The following TIMM23B variants were observed in gnomAD, a reference collection of about 807,000 sequenced individuals.
TIMM23B encodes translocase of inner mitochondrial membrane 23 homolog B.
A neutral mutation model predicts 27.3 loss-of-function variants in TIMM23B; 27 were observed. That is an observed-to-expected ratio of 0.99 (90% CI 0.73 to 1.36). The LOEUF (loss-of-function observed/expected upper bound fraction) is 1.36, where lower values mean the gene tolerates loss of function less well. Ranked by LOEUF, TIMM23B falls within the 40% of genes most tolerant of loss-of-function variation. The pLI is 0.00. For missense variants in TIMM23B, 205 were observed against 244.2 expected (o/e 0.84, Z 1.07); for synonymous variants, 73 against 92.4 (o/e 0.79, Z 1.21).
At chr10:49,971,557 A>G (rs1840450585) in intron 6 of TIMM23B, among the ~76,000 whole-genome samples, 3 of 152,224 alleles carry the variant, frequency 2.0e-5, no homozygotes. Context: ...TTATTTTGCA[A>G]CATTCTGAAG....
intron 6 of TIMM23B, among the ~76,000 whole-genome samples, chr10:49,960,683 C>A: frequency 6.6e-6 from 1 of 150,834 alleles, no homozygotes; most frequent in Admixed American, 6.6e-5. Context: ...GTCCAAAGCC[C>A]GTTGTCTTTC....
chr10:49,960,802 C>T (rs1839870806), intron 6 of TIMM23B, among the ~76,000 whole-genome samples: 1 of 152,136 alleles, frequency 6.6e-6, no homozygotes, highest in Non-Finnish European at 1.5e-5. Context: ...ACTGAATTTT[C>T]TGATGTATCT....
chr10:49,956,449 G>T (rs1257963560), intron 5 of TIMM23B, among the ~76,000 whole-genome samples: 1 of 126,062 alleles, frequency 7.9e-6, no homozygotes, highest in South Asian at 2.5e-4. Context: ...GTGTGTGTGT[G>T]TGTGTGTGTG....
intron 6 of TIMM23B, among the ~76,000 whole-genome samples, chr10:49,961,411 A>G (rs1220357339): frequency 5.3e-5 from 8 of 151,950 alleles, no homozygotes; most frequent in Non-Finnish European, 1.2e-4. Flanking sequence ...GAAAAGAAAA[A>G]AAATAATGAT....
chr10:49,945,056 C>G lies in TIMM23B; in HGVS notation c.131C>G (p.Pro44Arg). The change falls in exon 2 of 7, where the codon CCT becomes CGT. Residue 44 changes from proline (P) to arginine (R), a missense_variant. Coordinates refer to ENST00000651259, the MANE Select transcript of TIMM23B (RefSeq NM_001290117.2). ...VPLTGMNPLC[P>R]YLNVDPRYLV... ...GTAACTGGTATGAACCCTCTGTGTCCTTATTTAAATGTGGATCCACGATAC... is the reference window on the plus strand; with the variant it reads ...GTAACTGGTATGAACCCTCTGTGTCGTTATTTAAATGTGGATCCACGATAC... 1 of 1,598,918 alleles carries G rather than the reference C, an allele frequency of 6.3e-7. No homozygotes were observed. Among genetic ancestry groups the G allele is most frequent in the Non-Finnish European group, 8.6e-7 (1 of 1,168,740 alleles).
chr10:49,942,463 A>G (rs1839153265), intron 1 of TIMM23B, among the ~76,000 whole-genome samples, 163 bp downstream of exon 1: 1 of 152,068 alleles, frequency 6.6e-6, no homozygotes, highest in Admixed American at 6.6e-5. Context: ...TGCTCTTTCA[A>G]GATAGAAAGG....
At chr10:49,942,784 T>A (rs1472275253) in intron 1 of TIMM23B, among the ~76,000 whole-genome samples, 1 of 152,072 alleles carries the variant, frequency 6.6e-6, no homozygotes, top group African/African-American at 2.4e-5. Context: ...AAACCTTCTT[T>A]AGGAGCTAGG....
In TIMM23B at chr10:49,955,022, G is replaced by A. The variant is rs1253543144; in HGVS notation, c.365G>A (p.Arg122Lys). Residue 122 changes from arginine to lysine, a missense_variant, in exon 5 of 7, where the codon AGG becomes AAG. By Grantham distance (26) the Arg-to-Lys change is conservative. Transcript: ENST00000651259. ...GNVQILNMVT[R>K]QGALWANTLG... ...GATAGGATTTTGAATATGGTGACTA[G>A]GCAAGGGGCACTTTGGGCTAATACT... The A allele has an allele frequency of 6.2e-7, 1 of 1,612,910 alleles. No individual in the cohort carries two copies. The highest frequency in any genetic ancestry group is 1.3e-5 in the African/African-American group (1 of 74,960).
At chr10:49,966,687 T>C (rs1305564173) in intron 6 of TIMM23B, among the ~76,000 whole-genome samples, 1 of 152,032 alleles carries the variant, frequency 6.6e-6, no homozygotes, top group Non-Finnish European at 1.5e-5. Flanking sequence ...TAGCCGGGCA[T>C]GATAGCGGGT....
At chr10:49,971,352 C>A (rs1589056245) in intron 6 of TIMM23B, among the ~76,000 whole-genome samples, 1 of 149,426 alleles carries the variant, frequency 6.7e-6, no homozygotes, top group Admixed American at 6.6e-5. Context: ...AAAAAAAATA[C>A]TGCAAGAACA....
chr10:49,970,351 C>A (rs1554856274), intron 6 of TIMM23B: 3 of 168,536 alleles, frequency 1.8e-5, no homozygotes, highest in South Asian at 1.5e-4. Context: ...AAGTGAGGAG[C>A]GTCTCGGCCC....
chr10:49,947,073 A>G (rs1200213240), intron 2 of TIMM23B, among the ~76,000 whole-genome samples: 6 of 152,336 alleles, frequency 3.9e-5, no homozygotes, highest in Non-Finnish European at 7.4e-5. Context: ...ATCCATATGC[A>G]TAAGAATGAA....
intron 2 of TIMM23B, among the ~76,000 whole-genome samples, chr10:49,948,217 A>G (rs1839414157): frequency 6.6e-6 from 1 of 152,212 alleles, no homozygotes; most frequent in African/African-American, 2.4e-5. Context: ...AAAGAAAATA[A>G]TAAGTATTGT....
chr10:49,943,193 A>G (rs1252128976), intron 1 of TIMM23B: 2 of 152,006 alleles, frequency 1.3e-5, no homozygotes, highest in African/African-American at 4.8e-5. Flanking sequence ...TGAATCTACA[A>G]CACATGGTGT....
chr10:49,964,762 TAATG>T (rs1460316602), intron 6 of TIMM23B, among the ~76,000 whole-genome samples: 4 of 146,638 alleles, frequency 2.7e-5, no homozygotes, highest in Non-Finnish European at 4.5e-5. Flanking sequence ...AGAAATGAAA[TAATG>T]AATAATGAAA....
chr10:49,952,311 T>G lies in TIMM23B; in HGVS notation c.259+92T>G, dbSNP rs1255465023. 158 of 1,280,956 alleles carry G rather than the reference T, an allele frequency of 1.2e-4. No individual in the cohort carries two copies. The Admixed American group carries it at 1.7e-3, about 14-fold the overall frequency. 79.3% of individuals were successfully genotyped at this position (1,280,956 alleles called of 1,614,324 possible). ...AGCAATTAGAATGTTGGTTTCAGGG[T>G]TTTTTTTTTTAATATTTACATTTGT... On this transcript the variant is annotated intron_variant, in intron 3 of 6. Transcript: ENST00000651259.
intron 6 of TIMM23B, among the ~76,000 whole-genome samples, chr10:49,960,619 C>T (rs1332978479): frequency 2.6e-5 from 4 of 151,238 alleles, no homozygotes; most frequent in Non-Finnish European, 5.9e-5. Flanking sequence ...GTTAAATTAC[C>T]TCCACATGCT....
intron 2 of TIMM23B, among the ~76,000 whole-genome samples, chr10:49,950,574 G>A (rs1333188531): frequency 1.5e-5 from 2 of 135,304 alleles, no homozygotes; most frequent in African/African-American, 5.6e-5. Flanking sequence ...ATGGAGTCTC[G>A]CTCTGTCACC....
chr10:49,952,260 A>G (rs1839555681), intron 3 of TIMM23B, 41 bp downstream of exon 3: 4 of 1,564,850 alleles, frequency 2.6e-6, no homozygotes, highest in Non-Finnish European at 2.6e-6. Flanking sequence ...GCTCAGTTCA[A>G]GTAGTTGAGG....
Sources: allele counts gnomAD v4.1 joint callset (sites outside exome capture counted in the v4.1 genomes callset), GRCh38; gene constraint gnomAD v4.1.1; transcripts MANE v1.5; gene names NCBI Gene and HGNC (gene_info 2026-07-23, HGNC 2026-07-21).